Variants in POSTN observed in about 807,000 individuals in gnomAD.
POSTN encodes osteoblast specific factor 2 (fasciclin I-like).
POSTN carries 71 observed loss-of-function variants against 104.5 expected under a neutral mutation model. That is an observed-to-expected ratio of 0.68 (90% CI 0.56 to 0.83). The LOEUF (loss-of-function observed/expected upper bound fraction) is 0.83, where lower values mean the gene tolerates loss of function less well. POSTN is among the 40% of genes least tolerant of loss of function. The pLI, the probability that POSTN is intolerant of heterozygous loss-of-function variation, is 0.00. For synonymous variants in POSTN, 355 were observed against 340.7 expected, an observed-to-expected ratio of 1.04 and a Z score of -0.46; for missense variants, 949 against 1,006.8, an observed-to-expected ratio of 0.94 and a Z score of 0.78.
chr13:37,563,574 A>G (rs1024124960), intron 22 of POSTN, among the ~76,000 whole-genome samples: 8 of 152,142 alleles, frequency 5.3e-5, no homozygotes, highest in African/African-American at 1.7e-4. Context: ...TTGAAATTTA[A>G]TAATTTTAAC....
At chr13:37,567,121 A>G (rs1950130155) in intron 21 of POSTN, among the ~76,000 whole-genome samples, 1 of 144,310 alleles carries the variant, frequency 6.9e-6, no homozygotes, top group African/African-American at 2.6e-5. Flanking sequence ...CTGTAGTCCC[A>G]GCTACTTGGG....
rs1593313097 is a variant in POSTN at position 37,569,739 on chromosome 13, C to T, written c.2347+5G>A. Reference sequence around the variant, plus strand: ...TCACATTCTTATTTTCCTAGAAATGCTGACCTTCTTGTAACAATTTCTTCA... The same window carrying T: ...TCACATTCTTATTTTCCTAGAAATGTTGACCTTCTTGTAACAATTTCTTCA... On this transcript the variant is annotated splice_donor_5th_base_variant and intron_variant, in intron 20 of 22. Transcript: ENST00000379747. 1 of 1,574,474 alleles carries T rather than the reference C, an allele frequency of 6.4e-7. No individual in the cohort carries two copies. Among genetic ancestry groups the T allele is most frequent in the Non-Finnish European group, 8.7e-7 (1 of 1,145,388 alleles).
intron 2 of POSTN, among the ~76,000 whole-genome samples, chr13:37,592,389 C>G (rs1950963027): frequency 6.6e-6 from 1 of 152,110 alleles, no homozygotes; most frequent in South Asian, 2.1e-4. Context: ...AGCTCCGCCT[C>G]TCGGGTTCAC....
intron 21 of POSTN, 130 bp from the exon 22 acceptor site, chr13:37,564,690 G>T: frequency 2.1e-6 from 1 of 484,320 alleles, no homozygotes; most frequent in Non-Finnish European, 3.7e-6. Flanking sequence ...ATTTTTAGTA[G>T]TTAAATTTTA....
intron 16 of POSTN, among the ~76,000 whole-genome samples, chr13:37,577,548 C>T (rs144861999): frequency 1.4e-4 from 21 of 152,222 alleles, no homozygotes; most frequent in African/African-American, 4.8e-4. Flanking sequence ...CATATCATTT[C>T]TGTTTTTCCA....
rs1950759289 is a variant in POSTN, at chr13:37,586,797, G to A, written c.738C>T (p.Asp246=). Residue 246 remains aspartate, a synonymous_variant, in exon 6 of 23, where the codon GAC becomes GAT. Transcript: ENST00000379747. ...SIQDFIEAED[D]LSSFRAAAIT... is the part of the protein sequence containing the mutation. The stretch of plus-strand genomic sequence containing the variant: ...TTGGACTTACTCTAAAAGATGAAAG[G>A]TCATCTTCTGCTTCAATGAAGTCTT... The A allele has an allele frequency of 6.2e-7, 1 of 1,612,430 alleles. No individual in the cohort carries two copies. Among genetic ancestry groups the A allele is most frequent in the Admixed American group, 1.7e-5 (1 of 59,844 alleles).
intron 7 of POSTN, among the ~76,000 whole-genome samples, chr13:37,585,845 T>G (rs1049664665): frequency 6.6e-6 from 1 of 152,198 alleles, no homozygotes; most frequent in Non-Finnish European, 1.5e-5. Flanking sequence ...CATACAATAT[T>G]AAAATTTGAT....
intron 18 of POSTN, 134 bp downstream of exon 18, chr13:37,571,235 G>A: frequency 3.2e-6 from 2 of 616,514 alleles, no homozygotes; most frequent in Admixed American, 3.5e-5. Flanking sequence ...ACTCATAGCT[G>A]AGGAAATAAT....
chr13:37,571,284 T>C, intron 18 of POSTN, 85 bp downstream of exon 18: 1 of 876,742 alleles, frequency 1.1e-6, no homozygotes, highest in Non-Finnish European at 1.8e-6. Context: ...AGAGAAAATA[T>C]CAGATGTTCA....
chr13:37,572,757 C>T (rs868470409), intron 17 of POSTN, among the ~76,000 whole-genome samples: 1 of 151,436 alleles, frequency 6.6e-6, no homozygotes, highest in Non-Finnish European at 1.5e-5. Flanking sequence ...ATAAGAGACA[C>T]CTTAAAATTG....
chr13:37,586,327 G>T (rs745560202), intron 6 of POSTN, 47 bp from the exon 7 acceptor site: 2 of 1,566,254 alleles, frequency 1.3e-6, no homozygotes, highest in East Asian at 4.5e-5. Context: ...TGTAAATCCA[G>T]AAAAAGATTG....
chr13:37,570,941 A>G, intron 18 of POSTN: 3 of 354,654 alleles, frequency 8.5e-6, no homozygotes, highest in Non-Finnish European at 1.5e-5. Context: ...ATAAATACTT[A>G]GTGAGAATCC....
At chr13:37,598,479 T>C (rs1242720838) in intron 1 of POSTN, 129 bp downstream of exon 1, 3 of 792,586 alleles carry the variant, frequency 3.8e-6, no homozygotes, top group East Asian at 5.5e-5. Context: ...TTTTCCTTTT[T>C]TTCCTATTAC....
At chr13:37,584,618 T>C in intron 8 of POSTN, 98 bp downstream of exon 8, 1 of 988,532 alleles carries the variant, frequency 1.0e-6, no homozygotes, top group Non-Finnish European at 1.5e-6. Context: ...TTCTTTATAC[T>C]GCACATTCAT....
At chr13:37,569,454 A>T in intron 20 of POSTN, 71 bp from the exon 21 acceptor site, 1 of 1,169,998 alleles carries the variant, frequency 8.5e-7, no homozygotes, top group Non-Finnish European at 1.3e-6. Flanking sequence ...TTTATGTCAT[A>T]AATAATGGCA....
chr13:37,569,084 A>G (rs1950190219), intron 21 of POSTN: 1 of 349,490 alleles, frequency 2.9e-6, no homozygotes, highest in Non-Finnish European at 5.1e-6. Context: ...CCCAAACTTT[A>G]TACCATAGAA....
rs1337697753 is a variant in POSTN, at chr13:37,598,722, A to C, written c.5T>G (p.Ile2Ser). 6.2e-7 allele frequency: 1 copy of C among 1,612,870 alleles called. No homozygotes were observed. Among genetic ancestry groups the C allele is most frequent in the Non-Finnish European group, 8.5e-7 (1 of 1,179,040 alleles). Residue 2 changes from isoleucine (I) to serine (S), a missense_variant, in exon 1 of 23, where the codon ATT (isoleucine) becomes AGT (serine). By Grantham distance (142) the Ile-to-Ser change is moderately radical. Transcript: ENST00000379747. ...TAGAGAAAACATGGGTAAAAAGGGA[A>C]TCATCTTGAGTCTCTCCGTTGCAGT... Reference protein sequence around the residue: MIPFLPMFSLLL... With the variant: MSPFLPMFSLLL...
Position 37,569,742 on chromosome 13 carries a change from A to T in POSTN, c.2347+2T>A. On this transcript the variant is annotated splice_donor_variant, in intron 20 of 22. Transcript: ENST00000379747. LOFTEE classifies it high-confidence loss of function. ...CATTCTTATTTTCCTAGAAATGCTG[A>T]CCTTCTTGTAACAATTTCTTCAGAG... 1.9e-6 allele frequency: 3 copies of T among 1,580,246 alleles called. No homozygotes were observed. The highest frequency in any genetic ancestry group is 2.6e-6 in the Non-Finnish European group (3 of 1,150,480).
chr13:37,582,225 C>T (rs1950612160), intron 10 of POSTN, 141 bp downstream of exon 10: 10 of 921,126 alleles, frequency 1.1e-5, no homozygotes, highest in Non-Finnish European at 1.5e-5. Context: ...AGTCTTTTCA[C>T]CCAAGCTACC....
Sources: allele counts gnomAD v4.1 joint callset (sites outside exome capture counted in the v4.1 genomes callset), GRCh38; gene constraint gnomAD v4.1.1; transcripts MANE v1.5; gene names NCBI Gene and HGNC (gene_info 2026-07-23, HGNC 2026-07-21).